Variants in GLG1 observed in about 807,000 individuals in gnomAD.
The protein encoded by GLG1 is Golgi apparatus protein 1.
A neutral mutation model predicts 160.5 loss-of-function variants in GLG1; 38 were observed. The observed-to-expected ratio is 0.24, with a 90% CI of 0.18 to 0.31. The LOEUF (loss-of-function observed/expected upper bound fraction) is 0.31. GLG1 is among the 10% of genes least tolerant of loss of function. The pLI is 1.00. For synonymous variants in GLG1, 644 were observed against 543.4 expected (o/e 1.19, Z -2.57); for missense variants, 1,373 against 1,505.2 (o/e 0.91, Z 1.45).
chr16:74,521,055 A>G (rs922611059), intron 2 of GLG1, among the ~76,000 whole-genome samples: 1 of 152,210 alleles, frequency 6.6e-6, no homozygotes, highest in African/African-American at 2.4e-5. Context: ...ATAAGAGAGT[A>G]AGAGAAGGAA....
chr16:74,503,346 AT>A (rs1451387939), intron 4 of GLG1, among the ~76,000 whole-genome samples, 184 bp downstream of exon 4: 1 of 152,088 alleles, frequency 6.6e-6, no homozygotes, highest in African/African-American at 2.4e-5. Context: ...GTACTGAAAA[AT>A]TTTGCTACAA....
At chr16:74,498,839 T>C (rs144853348) in intron 4 of GLG1, among the ~76,000 whole-genome samples, 150 of 96,398 alleles carry the variant, frequency 1.6e-3, no homozygotes, top group African/African-American at 5.1e-3. Flanking sequence ...CACTCCAGCA[T>C]AGACAACAAG....
chr16:74,471,504 A>G (rs2015207562), intron 14 of GLG1, among the ~76,000 whole-genome samples: 1 of 152,156 alleles, frequency 6.6e-6, no homozygotes. Flanking sequence ...AAGACATGAT[A>G]TACGCTTTTT....
chr16:74,546,859 A>T (rs895555796), intron 1 of GLG1, among the ~76,000 whole-genome samples: 1 of 150,604 alleles, frequency 6.6e-6, no homozygotes, highest in Non-Finnish European at 1.5e-5. Context: ...AAAAAAAAGG[A>T]TCCCTGACTA....
chr16:74,590,463 C>CA lies in GLG1; in HGVS notation c.438+16193dup, dbSNP rs934138874. ...AGAAACCCCGTCTCTACTAAAAATACAAAAAAAAATAGCCAGGCGTAGTGG... is the reference window on the plus strand; with the variant it reads ...AGAAACCCCGTCTCTACTAAAAATACAAAAAAAAAATAGCCAGGCGTAGTGG... On this transcript the variant is annotated intron_variant, in intron 1 of 25. Coordinates refer to ENST00000422840, the MANE Select transcript of GLG1 (RefSeq NM_001145667.2). Among the ~76,000 whole-genome samples the CA allele has an allele frequency of 4.6e-4, 69 of 149,144 alleles. 1 individual carries two copies. The South Asian group carries it at 0.013, about 28-fold the overall frequency.
intron 1 of GLG1, among the ~76,000 whole-genome samples, chr16:74,534,906 T>C (rs1038543415): frequency 1.3e-5 from 2 of 152,102 alleles, no homozygotes; most frequent in African/African-American, 2.4e-5. Flanking sequence ...TGTAACATAA[T>C]ATAATATAGG....
intron 7 of GLG1, 103 bp downstream of exon 7, chr16:74,492,854 G>A (rs2010910): frequency 1 from 578,034 of 579,758 alleles, 288,185 homozygotes; most frequent in East Asian, 1. Flanking sequence ...AATACTCAAA[G>A]AAGCAAATAT....
rs542856535 is a variant in GLG1 at position 74,562,623 on chromosome 16, C to A, written c.439-30470G>T. ...TACAGGCATGCGCCACCACACCCAG[C>A]TAATTTTTGTATTTTTAGTAGAGAT... On this transcript the variant is annotated intron_variant, in intron 1 of 25. Coordinates refer to ENST00000422840, the MANE Select transcript of GLG1 (RefSeq NM_001145667.2). Among the ~76,000 whole-genome samples, 55 of 152,308 alleles carry A rather than the reference C, an allele frequency of 3.6e-4. No individual in the cohort carries two copies. The East Asian group carries it at 4.4e-3, about 12-fold the overall frequency.
rs1201718203 is a variant in GLG1, at chr16:74,451,545, AC to A, written c.*1621del. 6.3e-6 allele frequency: 1 copy of A among 158,094 alleles called. No individual in the cohort carries two copies. Among genetic ancestry groups the A allele is most frequent in the Non-Finnish European group, 1.4e-5 (1 of 71,374 alleles). The allele number at this position is 158,094 out of a possible 1,614,324, so 9.8% of individuals were successfully genotyped here. ...CGCTCCGGTCCTGCAGTGCACGTGG[AC>A]TGTGCAGAGCAGAGGCAAGAGTGGG... On this transcript the variant is annotated 3_prime_UTR_variant, in exon 26 of 26. Transcript: ENST00000422840.
At position 74,607,043 on chromosome 16, in the gene GLG1, G is replaced by A; in HGVS notation, c.52C>T (p.His18Tyr). ...CCGGCCGCGAATAGCAGCAGCAGAT[G>A]CAGCGCCGCCGACAAGCGGAACATC... ...RRMFRLSAAL[H>Y]LLLLFAAGAE... Residue 18 changes from histidine to tyrosine, a missense_variant, in exon 1 of 26, where the codon CAT (histidine) becomes TAT (tyrosine). Around this residue, in one of 4 missense-constraint regions of GLG1, gnomAD observed 322 missense variants for 254.6 expected, o/e 1.26. Transcript: ENST00000422840. 1.3e-6 allele frequency: 2 copies of A among 1,593,188 alleles called. No homozygotes were observed. The highest frequency in any genetic ancestry group is 2.2e-5 in the South Asian group (2 of 88,946).
rs2014338739 is a variant in GLG1, at chr16:74,452,192, C to G, written c.*975G>C. 5.1e-6 allele frequency: 8 copies of G among 1,576,936 alleles called. No homozygotes were observed. The highest frequency in any genetic ancestry group is 1.8e-5 in the Admixed American group (1 of 54,470). On this transcript the variant is annotated 3_prime_UTR_variant, in exon 26 of 26. Coordinates refer to ENST00000422840, the MANE Select transcript of GLG1 (RefSeq NM_001145667.2). Reference sequence around the variant, plus strand: ...TCCCACTTCCTGACCCACTGCTCCCCACACCCATCTTCAAGGACCCCTCCC... The same window carrying G: ...TCCCACTTCCTGACCCACTGCTCCCGACACCCATCTTCAAGGACCCCTCCC...
At chr16:74,603,041 G>A (rs1958478838) in intron 1 of GLG1, among the ~76,000 whole-genome samples, 1 of 151,950 alleles carries the variant, frequency 6.6e-6, no homozygotes, top group East Asian at 1.9e-4. Flanking sequence ...AGTGAGCCAA[G>A]ATTGTGCCAC....
intron 8 of GLG1, 60 bp downstream of exon 8, chr16:74,490,941 G>A: frequency 8.5e-7 from 1 of 1,180,202 alleles, no homozygotes; most frequent in Non-Finnish European, 1.3e-6. Context: ...ACAGCATCAG[G>A]AAGAGGCTCT....
At chr16:74,532,678 C>T (rs1249949565) in intron 1 of GLG1, among the ~76,000 whole-genome samples, 1 of 151,950 alleles carries the variant, frequency 6.6e-6, no homozygotes, top group South Asian at 2.1e-4. Context: ...CGCAATGTCA[C>T]CAAGCCCAGC....
chr16:74,532,982 T>C (rs1052525161), intron 1 of GLG1, among the ~76,000 whole-genome samples: 48 of 152,354 alleles, frequency 3.2e-4, no homozygotes, highest in Middle Eastern at 6.8e-3. Context: ...TATATTCCTA[T>C]GGATACATTT....
intron 1 of GLG1, among the ~76,000 whole-genome samples, chr16:74,573,938 C>A (rs1379208153): frequency 6.6e-6 from 1 of 151,964 alleles, no homozygotes; most frequent in African/African-American, 2.4e-5. Flanking sequence ...GGATTACAGG[C>A]GCACACCACT....
chr16:74,545,771 G>C (rs1261197715), intron 1 of GLG1, among the ~76,000 whole-genome samples: 2 of 152,136 alleles, frequency 1.3e-5, no homozygotes, highest in East Asian at 3.9e-4. Flanking sequence ...AGAGGGTATT[G>C]GTTAACTAAG....
chr16:74,505,763 G>A (rs1369134179), intron 3 of GLG1, among the ~76,000 whole-genome samples: 1 of 152,226 alleles, frequency 6.6e-6, no homozygotes, highest in Non-Finnish European at 1.5e-5. Flanking sequence ...GCTGAGGCAG[G>A]AGAATTGCTA....
chr16:74,470,955 C>T (rs1184117120), intron 15 of GLG1, among the ~76,000 whole-genome samples: 1 of 151,764 alleles, frequency 6.6e-6, no homozygotes, highest in African/African-American at 2.4e-5. Flanking sequence ...CGGAGTTTCA[C>T]CATGTTGCTC....
Sources: allele counts gnomAD v4.1 joint callset (sites outside exome capture counted in the v4.1 genomes callset), GRCh38; gene constraint gnomAD v4.1.1; regional missense constraint gnomAD v4.1.1; transcripts MANE v1.5; gene names NCBI Gene and HGNC (gene_info 2026-07-23, HGNC 2026-07-21).